CADM1: variants seen among roughly 807,000 people sequenced by gnomAD.
CADM1 encodes TSLC-1.
Under a neutral mutation model 53.1 loss-of-function variants are expected in CADM1, and 15 were observed. That is an observed-to-expected ratio of 0.28 (90% CI 0.19 to 0.44). The LOEUF (loss-of-function observed/expected upper bound fraction) is 0.44. Ranked by LOEUF, CADM1 falls within the 20% of genes least tolerant of loss-of-function variation. The pLI is 1.00. For missense variants in CADM1, 434 were observed against 611.3 expected, an observed-to-expected ratio of 0.71 and a Z score of 3.06; for synonymous variants, 281 against 243.0, an observed-to-expected ratio of 1.16 and a Z score of -1.45.
chr11:115,244,711 T>C (rs1354465504), intron 1 of CADM1, among the ~76,000 whole-genome samples: 2 of 152,250 alleles, frequency 1.3e-5, no homozygotes, highest in South Asian at 2.1e-4. Flanking sequence ...CCAAGGTTCA[T>C]ACTGGCTCTG....
At chr11:115,425,435 C>T (rs1054157901) in intron 1 of CADM1, among the ~76,000 whole-genome samples, 1 of 152,190 alleles carries the variant, frequency 6.6e-6, no homozygotes, top group African/African-American at 2.4e-5. Flanking sequence ...TTCATTGCAC[C>T]CACTTCAACA....
intron 8 of CADM1, among the ~76,000 whole-genome samples, chr11:115,203,940 C>T (rs529151122): frequency 8.1e-4 from 123 of 152,232 alleles, no homozygotes; most frequent in South Asian, 7.5e-3. Context: ...GAAAAGGTGG[C>T]TTATTATGTA....
At chr11:115,335,980 C>T (rs538144542) in intron 1 of CADM1, among the ~76,000 whole-genome samples, 11 of 152,118 alleles carry the variant, frequency 7.2e-5, no homozygotes, top group East Asian at 1.9e-4. Flanking sequence ...CTGCCAAATA[C>T]GCGTCTGAAT....
chr11:115,214,523 T>C, intron 7 of CADM1, 85 bp downstream of exon 7: 1 of 1,401,266 alleles, frequency 7.1e-7, no homozygotes, highest in East Asian at 2.3e-5. Flanking sequence ...GATTTTCAAC[T>C]TGACCAAAAG....
intron 1 of CADM1, among the ~76,000 whole-genome samples, chr11:115,361,222 C>T (rs1334499254): frequency 1.3e-5 from 2 of 152,124 alleles, no homozygotes; most frequent in Non-Finnish European, 2.9e-5. Flanking sequence ...TGTGAAATCT[C>T]ATTAGCAAAT....
intron 1 of CADM1, among the ~76,000 whole-genome samples, chr11:115,306,416 G>C (rs1944376396): frequency 6.6e-6 from 1 of 151,896 alleles, no homozygotes. Flanking sequence ...ACATTTCTTA[G>C]AATGTATCCC....
intron 1 of CADM1, among the ~76,000 whole-genome samples, chr11:115,438,357 G>C (rs1331024765): frequency 2.6e-5 from 4 of 152,082 alleles, no homozygotes; most frequent in Non-Finnish European, 5.9e-5. Flanking sequence ...CCTGGTGGCA[G>C]CAGCAGTATA....
At chr11:115,445,777 C>T (rs768990603) in intron 1 of CADM1, 2 of 453,222 alleles carry the variant, frequency 4.4e-6, no homozygotes, top group Admixed American at 2.4e-5. Context: ...ACGGGAAGGC[C>T]GAGGCTGCAG....
intron 1 of CADM1, among the ~76,000 whole-genome samples, chr11:115,373,382 C>G (rs2668875): frequency 6.6e-6 from 1 of 151,886 alleles, no homozygotes; most frequent in Non-Finnish European, 1.5e-5. Flanking sequence ...GTCAGGAGCT[C>G]TAGACCAGCC....
chr11:115,356,494 T>C (rs890970010), intron 1 of CADM1, among the ~76,000 whole-genome samples: 8 of 152,078 alleles, frequency 5.3e-5, no homozygotes, highest in Non-Finnish European at 1.0e-4. Context: ...ACATAAAGTG[T>C]CCTTGATAAA....
chr11:115,387,113 T>C (rs546452385), intron 1 of CADM1, among the ~76,000 whole-genome samples: 1 of 152,304 alleles, frequency 6.6e-6, no homozygotes, highest in East Asian at 1.9e-4. Flanking sequence ...TTTTCTACTA[T>C]ACAAAAAGCT....
chr11:115,375,754 TA>T (rs539446383), intron 1 of CADM1, among the ~76,000 whole-genome samples: 192 of 152,092 alleles, frequency 1.3e-3, no homozygotes, highest in African/African-American at 4.3e-3. Context: ...ATGCTAATAA[TA>T]ATAATAATAA....
intron 1 of CADM1, among the ~76,000 whole-genome samples, chr11:115,260,742 G>C (rs982401591): frequency 1.3e-5 from 2 of 151,992 alleles, no homozygotes; most frequent in Non-Finnish European, 2.9e-5. Context: ...GCACGATCTT[G>C]GCTCACTGCA....
At chr11:115,281,899 A>C (rs1242343602) in intron 1 of CADM1, among the ~76,000 whole-genome samples, 1 of 151,472 alleles carries the variant, frequency 6.6e-6, no homozygotes, top group Non-Finnish European at 1.5e-5. Context: ...CTGACATTTA[A>C]TCATGAGGTT....
At chr11:115,360,756 A>C (rs1469095052) in intron 1 of CADM1, among the ~76,000 whole-genome samples, 1 of 152,206 alleles carries the variant, frequency 6.6e-6, no homozygotes, top group South Asian at 2.1e-4. Flanking sequence ...AAGGCAATTC[A>C]CACGTTTTCA....
At chr11:115,336,233 G>A (rs1945263810) in intron 1 of CADM1, among the ~76,000 whole-genome samples, 1 of 152,000 alleles carries the variant, frequency 6.6e-6, no homozygotes, top group South Asian at 2.1e-4. Context: ...TCAGGCTAAG[G>A]CTCCCACAAC....
At chr11:115,194,016 C>T (rs72994020) in intron 9 of CADM1, 7 of 152,288 alleles carry the variant, frequency 4.6e-5, no homozygotes, top group South Asian at 2.1e-4. Context: ...ATTTGGTTCA[C>T]GCCGTTAGAC....
chr11:115,355,229 A>G (rs1945834313), intron 1 of CADM1, among the ~76,000 whole-genome samples: 1 of 152,244 alleles, frequency 6.6e-6, no homozygotes, highest in Non-Finnish European at 1.5e-5. Context: ...TTAATGGCTG[A>G]TTGGATAAAG....
chr11:115,224,879 C>G (rs1941544971), intron 5 of CADM1, among the ~76,000 whole-genome samples: 1 of 152,150 alleles, frequency 6.6e-6, no homozygotes, highest in Admixed American at 6.6e-5. Flanking sequence ...TTGTATCACA[C>G]TCTGCTATAA....
Sources: allele counts gnomAD v4.1 joint callset (sites outside exome capture counted in the v4.1 genomes callset), GRCh38; gene constraint gnomAD v4.1.1; transcripts MANE v1.5; gene names NCBI Gene and HGNC (gene_info 2026-07-23, HGNC 2026-07-21).